Variants in TRAF2 observed in about 807,000 individuals in gnomAD.
TRAF2 encodes the protein TNF receptor associated factor 2, also known as TNF receptor-associated factor 2.
A neutral mutation model predicts 55.6 loss-of-function variants in TRAF2; 6 were observed. The observed-to-expected ratio is 0.11, with a 90% CI of 0.06 to 0.21. The LOEUF (loss-of-function observed/expected upper bound fraction) is 0.21, where lower values mean the gene tolerates loss of function less well. Among genes scored for constraint, TRAF2 ranks in the 10% least tolerant of loss-of-function variants. The pLI, the probability that TRAF2 is intolerant of heterozygous loss-of-function variation, is 1.00. For missense variants in TRAF2, 561 were observed against 684.5 expected, an observed-to-expected ratio of 0.82 and a Z score of 2.01; for synonymous variants, 329 against 276.3, an observed-to-expected ratio of 1.19 and a Z score of -1.89.
At chr9:136,910,149 G>A (rs1435480397) in intron 6 of TRAF2, 155 bp downstream of exon 6, 2 of 797,424 alleles carry the variant, frequency 2.5e-6, no homozygotes, top group Non-Finnish European at 4.1e-6. Flanking sequence ...ATGCGTTCAG[G>A]GTGGCGGCCG....
chr9:136,886,334 C>A, upstream of TRAF2: 1 of 940,310 alleles, frequency 1.1e-6, no homozygotes, highest in Non-Finnish European at 1.3e-6. Context: ...CTCCTGCGGG[C>A]TCGCTGGTTG....
At chr9:136,897,653 T>G (rs1344342690) in intron 1 of TRAF2, among the ~76,000 whole-genome samples, 2 of 141,610 alleles carry the variant, frequency 1.4e-5, no homozygotes, top group Admixed American at 1.4e-4. Flanking sequence ...TGTGCTACGT[T>G]CCCGCTCTCG....
chr9:136,904,125 A>AC (rs753690473), intron 4 of TRAF2, among the ~76,000 whole-genome samples: 140 of 152,200 alleles, frequency 9.2e-4, no homozygotes, highest in Non-Finnish European at 1.4e-3. Flanking sequence ...CAGCCCTTCA[A>AC]CCCCCCACAC....
At chr9:136,913,288 T>C (rs985712349) in intron 6 of TRAF2, among the ~76,000 whole-genome samples, 4 of 133,616 alleles carry the variant, frequency 3.0e-5, no homozygotes, top group Non-Finnish European at 6.3e-5. Flanking sequence ...GTTCTTATTA[T>C]AAAGGAATTT....
chr9:136,919,556 A>G (rs555526323), intron 7 of TRAF2, among the ~76,000 whole-genome samples: 1 of 152,066 alleles, frequency 6.6e-6, no homozygotes, highest in African/African-American at 2.4e-5. Flanking sequence ...TGGCCTCCCA[A>G]AGTGCTGGGA....
chr9:136,892,615 C>T (rs943369909), intron 1 of TRAF2, among the ~76,000 whole-genome samples: 1 of 152,204 alleles, frequency 6.6e-6, no homozygotes, highest in Non-Finnish European at 1.5e-5. Context: ...CACAGTGGCT[C>T]ATGCCTATAA....
chr9:136,919,438 G>A (rs1419512573), intron 7 of TRAF2, among the ~76,000 whole-genome samples: 6 of 151,434 alleles, frequency 4.0e-5, no homozygotes, highest in Non-Finnish European at 8.8e-5. Flanking sequence ...TGGGATTACA[G>A]GCGTGCACCA....
intron 1 of TRAF2, among the ~76,000 whole-genome samples, chr9:136,893,315 C>A (rs983364391): frequency 6.6e-6 from 1 of 152,176 alleles, no homozygotes; most frequent in Admixed American, 6.5e-5. Flanking sequence ...CTCTGAAGTG[C>A]CACACGAATG....
intron 6 of TRAF2, among the ~76,000 whole-genome samples, chr9:136,910,812 G>T (rs974930156): frequency 1.3e-5 from 2 of 152,242 alleles, no homozygotes; most frequent in African/African-American, 4.8e-5. Flanking sequence ...GGGTAGGGCT[G>T]GGGGACGGGA....
At chr9:136,890,470 T>C (rs1269836872) in intron 1 of TRAF2, 1 of 152,200 alleles carries the variant, frequency 6.6e-6, no homozygotes, top group Non-Finnish European at 1.5e-5. Context: ...GTGACCATGG[T>C]GTTCAGTTCA....
Position 136,925,963 on chromosome 9 carries a change from C to T in TRAF2, c.*62C>T. The T allele has an allele frequency of 6.3e-7, 1 of 1,591,932 alleles. No individual in the cohort carries two copies. The highest frequency in any genetic ancestry group is 8.6e-7 in the Non-Finnish European group (1 of 1,163,340). On this transcript the variant is annotated 3_prime_UTR_variant, in exon 11 of 11. Coordinates refer to ENST00000247668, the MANE Select transcript of TRAF2 (RefSeq NM_021138.4). The stretch of plus-strand genomic sequence containing the variant: ...AGGCACAGCCGGCTCACGGAGGGGC[C>T]ACCACGCTGGGCCAGGGTCTCACTG...
rs1416809360 is a variant in TRAF2 at position 136,909,908 on chromosome 9, CTTCTT to C, written c.529-9_529-5del. 6.2e-7 allele frequency: 1 copy of C among 1,613,964 alleles called. No homozygotes were observed. The highest frequency in any genetic ancestry group is 8.5e-7 in the Non-Finnish European group (1 of 1,180,014). ...GCGTCCACCCTCACACTCCTGATCC[CTTCTT>C]TTGAAGGCGCACCACGAGGTCTGCC... On this transcript the variant is annotated splice_region_variant and splice_polypyrimidine_tract_variant and intron_variant, in intron 5 of 10. Transcript: ENST00000247668.
intron 6 of TRAF2, among the ~76,000 whole-genome samples, chr9:136,912,176 T>G (rs959683776): frequency 4.5e-4 from 20 of 44,344 alleles, no homozygotes; most frequent in Non-Finnish European, 6.3e-4. Context: ...TTTTTTTTTT[T>G]TTTGGAGACA....
In TRAF2 at chr9:136,909,908, C is replaced by T. The variant is rs1486505922; in HGVS notation, c.529-12C>T. 4 of 1,614,080 alleles carry T rather than the reference C, an allele frequency of 2.5e-6. No individual in the cohort carries two copies. Among genetic ancestry groups the T allele is most frequent in the South Asian group, 1.1e-5 (1 of 91,066 alleles). On this transcript the variant is annotated splice_polypyrimidine_tract_variant and intron_variant, in intron 5 of 10. Transcript: ENST00000247668. ...GCGTCCACCCTCACACTCCTGATCCCTTCTTTTGAAGGCGCACCACGAGGT... is the reference window on the plus strand; with the variant it reads ...GCGTCCACCCTCACACTCCTGATCCTTTCTTTTGAAGGCGCACCACGAGGT...
At chr9:136,909,844 TGA>T in intron 5 of TRAF2, 74 bp from the exon 6 acceptor site, 1 of 1,495,034 alleles carries the variant, frequency 6.7e-7, no homozygotes. Flanking sequence ...CTGCCCAGCC[TGA>T]GCACTGTGTG....
chr9:136,910,458 T>C (rs1379267467), intron 6 of TRAF2, among the ~76,000 whole-genome samples: 1 of 152,204 alleles, frequency 6.6e-6, no homozygotes, highest in Non-Finnish European at 1.5e-5. Context: ...TCCTTACTTC[T>C]TTCAGGAAAA....
chr9:136,925,895 G>A lies in TRAF2; in HGVS notation c.1500G>A (p.Gly500=), dbSNP rs775640541. 1.9e-6 allele frequency: 3 copies of A among 1,614,106 alleles called. No homozygotes were observed. Among genetic ancestry groups the A allele is most frequent in the South Asian group, 2.2e-5 (2 of 91,088 alleles). The change falls in exon 11 of 11, where the codon GGG becomes GGA. Residue 500 remains glycine, a synonymous_variant. Transcript: ENST00000247668. ...TCAAGGCCATTGTGGACCTGACAGG[G>A]CTCTAACTGCCCCCTACTGGTGTCT... ...IFIKAIVDLT[G]L is the part of the protein sequence containing the mutation.
At chr9:136,911,846 CTTT>C (rs71492143) in intron 6 of TRAF2, among the ~76,000 whole-genome samples, 23 of 71,450 alleles carry the variant, frequency 3.2e-4, no homozygotes, top group African/African-American at 7.0e-4. Flanking sequence ...TCTCTTATCT[CTTT>C]TTTTTTTTTT....
Position 136,926,086 on chromosome 9 carries a change from A to G in TRAF2, c.*185A>G. On this transcript the variant is annotated 3_prime_UTR_variant, in exon 11 of 11. Transcript: ENST00000247668. ...GAAGGAGCCACCAGCCAGTCCTCAG[A>G]TTTCAGAGACTGCGGAGGGGCTTGG... 1.2e-6 allele frequency: 1 copy of G among 809,726 alleles called. No individual in the cohort carries two copies. Among genetic ancestry groups the G allele is most frequent in the Non-Finnish European group, 2.2e-6 (1 of 465,110 alleles). 50.2% of individuals were successfully genotyped at this position (809,726 alleles called of 1,614,324 possible).
Sources: allele counts gnomAD v4.1 joint callset (sites outside exome capture counted in the v4.1 genomes callset), GRCh38; gene constraint gnomAD v4.1.1; transcripts MANE v1.5; gene names NCBI Gene and HGNC (gene_info 2026-07-23, HGNC 2026-07-21).